TSNAXIP1: variants seen among roughly 807,000 people sequenced by gnomAD.
The protein encoded by TSNAXIP1 is translin-associated factor X-interacting protein 1.
In TSNAXIP1, 89 loss-of-function variants were observed where a neutral mutation model predicts 84.8. The observed-to-expected ratio is 1.05, with a 90% CI of 0.88 to 1.25. TSNAXIP1 has a LOEUF of 1.25. Among genes scored for constraint, TSNAXIP1 ranks in the 50% most tolerant of loss-of-function variants. The pLI is 0.00. For missense variants in TSNAXIP1, 874 were observed against 887.6 expected (o/e 0.98, Z 0.20); for synonymous variants, 347 against 335.2 (o/e 1.04, Z -0.39).
chr16:67,809,932 G>C (rs1429570438), intron 1 of TSNAXIP1, among the ~76,000 whole-genome samples: 1 of 152,120 alleles, frequency 6.6e-6, no homozygotes, highest in Non-Finnish European at 1.5e-5. Context: ...CCGGGCAAGA[G>C]AGTGAGACCC....
intron 2 of TSNAXIP1, 65 bp downstream of exon 2, chr16:67,814,466 T>C: frequency 7.4e-7 from 1 of 1,355,760 alleles, no homozygotes. Context: ...TCTCCCTTCC[T>C]GCAACCCAAG....
rs139160492 is a variant in TSNAXIP1, at chr16:67,815,222, G to A, written c.147+821G>A. ...CCAGCTACTCAGGAGGCTGAGGCACGAGAATTGCTTTAACCTGGGACGTGG... is the reference window on the plus strand; with the variant it reads ...CCAGCTACTCAGGAGGCTGAGGCACAAGAATTGCTTTAACCTGGGACGTGG... On this transcript the variant is annotated intron_variant, in intron 2 of 15. Transcript: ENST00000561639. Among the ~76,000 whole-genome samples, 214 of 146,690 alleles carry A rather than the reference G, an allele frequency of 1.5e-3. 1 individual carries two copies. Among genetic ancestry groups the A allele is most frequent in the African/African-American group, 5.2e-3 (207 of 39,644 alleles).
chr16:67,811,114 G>A (rs1364374782), intron 1 of TSNAXIP1, among the ~76,000 whole-genome samples: 5 of 151,926 alleles, frequency 3.3e-5, no homozygotes, highest in South Asian at 4.1e-4. Flanking sequence ...GTGAGCCACC[G>A]CGCCCGGCCG....
rs1567785805 is a variant in TSNAXIP1, at chr16:67,827,862, GA to G, written c.2009del (p.Glu670GlyfsTer28). 1 of 1,614,136 alleles carries G rather than the reference GA, an allele frequency of 6.2e-7. No individual in the cohort carries two copies. The highest frequency in any genetic ancestry group is 8.5e-7 in the Non-Finnish European group (1 of 1,180,022). On this transcript the variant is annotated frameshift_variant, in exon 16 of 16. Coordinates refer to ENST00000561639, the MANE Select transcript of TSNAXIP1 (RefSeq NM_001288990.3). LOFTEE classifies it low-confidence loss of function (END_TRUNC). The part of the protein sequence containing the change: ...TYMSQAFQLP[E>X]SEMPEEGDEK... The stretch of plus-strand genomic sequence containing the variant: ...CATGAGCCAGGCCTTCCAGCTCCCT[GA>G]GTCGGAAATGCCAGAGGAGGGTGAC...
intron 7 of TSNAXIP1, 107 bp downstream of exon 7, chr16:67,825,379 C>T: frequency 6.8e-7 from 1 of 1,465,156 alleles, no homozygotes; most frequent in Non-Finnish European, 9.3e-7. Flanking sequence ...CTGCTCATTC[C>T]ATAACCATTC....
At chr16:67,818,358 A>G (rs1598042350) in intron 2 of TSNAXIP1, among the ~76,000 whole-genome samples, 1 of 152,086 alleles carries the variant, frequency 6.6e-6, no homozygotes, top group African/African-American at 2.4e-5. Flanking sequence ...TACAAAAAAG[A>G]TTTTTTAAAT....
intron 5 of TSNAXIP1, among the ~76,000 whole-genome samples, chr16:67,824,059 C>T (rs1250188708): frequency 6.7e-6 from 1 of 148,738 alleles, no homozygotes; most frequent in African/African-American, 2.5e-5. Context: ...CCCTCCTTGT[C>T]CCAGCCTGGA....
intron 5 of TSNAXIP1, among the ~76,000 whole-genome samples, chr16:67,824,018 C>A (rs1457751707): frequency 1.2e-3 from 103 of 89,090 alleles, no homozygotes; most frequent in Admixed American, 1.8e-3. Context: ...GACTCCATCG[C>A]AAAAAAAAAA....
rs1567768510 is a variant in TSNAXIP1, at chr16:67,824,739, T to C, written c.638T>C (p.Ile213Thr). The C allele has an allele frequency of 3.1e-6, 5 of 1,613,974 alleles. No homozygotes were observed. Among genetic ancestry groups the C allele is most frequent in the African/African-American group, 2.7e-5 (2 of 74,898 alleles). Residue 213 changes from isoleucine to threonine, a missense_variant, in exon 6 of 16, where the codon ATC becomes ACC. Ile to Thr is a moderately conservative substitution (Grantham distance 89, BLOSUM62 -1). Coordinates refer to ENST00000561639, the MANE Select transcript of TSNAXIP1 (RefSeq NM_001288990.3). ...GAGAAGATGAACTTGCTAAAACTCA[T>C]CGACAAAAAGAATGAGGAGAAGATT... ...KKEKMNLLKL[I>T]DKKNEEKISL... is the part of the protein sequence containing the mutation.
intron 1 of TSNAXIP1, 185 bp downstream of exon 1, chr16:67,807,381 A>G: frequency 1.0e-5 from 16 of 1,529,846 alleles, no homozygotes; most frequent in Non-Finnish European, 1.4e-5. Context: ...CGTGCTAGCA[A>G]AACGGTAGGC....
chr16:67,813,343 C>T (rs1051592912), intron 1 of TSNAXIP1, among the ~76,000 whole-genome samples: 1 of 151,766 alleles, frequency 6.6e-6, no homozygotes, highest in African/African-American at 2.4e-5. Context: ...GCTGAGATGG[C>T]GCCACTGCAC....
intron 2 of TSNAXIP1, among the ~76,000 whole-genome samples, chr16:67,819,797 GC>G (rs1023832801): frequency 8.9e-5 from 13 of 145,276 alleles, no homozygotes; most frequent in Non-Finnish European, 3.0e-5. Context: ...ATAAGCACAT[GC>G]CACCACACCT....
chr16:67,827,252 T>C lies in TSNAXIP1; in HGVS notation c.1668T>C (p.Thr556=). The change falls in exon 14 of 16, where the codon ACT becomes ACC. Residue 556 remains threonine, a synonymous_variant. Transcript: ENST00000561639. Reference sequence around the variant, plus strand: ...GGCCCTCATGTCTCCCCTACAGCACTGTCCTCAAGAGTACCTTCCCTCTCA... The same window carrying C: ...GGCCCTCATGTCTCCCCTACAGCACCGTCCTCAAGAGTACCTTCCCTCTCA... ...EGLLTMEQFN[T]VLKSTFPLKT... The C allele has an allele frequency of 6.2e-7, 1 of 1,614,200 alleles. No homozygotes were observed. Among genetic ancestry groups the C allele is most frequent in the South Asian group, 1.1e-5 (1 of 91,084 alleles).
rs976178017 is a variant in TSNAXIP1 at position 67,827,742 on chromosome 16, C to A, written c.1899-11C>A. On this transcript the variant is annotated splice_polypyrimidine_tract_variant and intron_variant, in intron 15 of 15. Coordinates refer to ENST00000561639, the MANE Select transcript of TSNAXIP1 (RefSeq NM_001288990.3). ...GGGTCAGGGCCTGTCACTCTCTTTCCTGTGGGGCAGCCATGAGGAAGTGAC... is the reference window on the plus strand; with the variant it reads ...GGGTCAGGGCCTGTCACTCTCTTTCATGTGGGGCAGCCATGAGGAAGTGAC... 1 of 1,613,818 alleles carries A rather than the reference C, an allele frequency of 6.2e-7. No individual in the cohort carries two copies.
At position 67,825,673 on chromosome 16, in the gene TSNAXIP1, G is replaced by C; in HGVS notation, c.821G>C (p.Trp274Ser). Reference sequence around the variant, plus strand: ...GGGCCCCTTCCCCTGGCAGGCATCTGGGGGGAGGACCCTGTGAAGTTAACC... The same window carrying C: ...GGGCCCCTTCCCCTGGCAGGCATCTCGGGGGAGGACCCTGTGAAGTTAACC... ...DMSLAQSPGI[W>S]GEDPVKLTLA... Residue 274 changes from tryptophan to serine, a missense_variant, in exon 8 of 16, where the codon TGG becomes TCG. Trp to Ser is a radical substitution (Grantham distance 177). Transcript: ENST00000561639. 3 of 1,604,422 alleles carry C rather than the reference G, an allele frequency of 1.9e-6. No homozygotes were observed. The highest frequency in any genetic ancestry group is 1.7e-5 in the Admixed American group (1 of 59,790).
chr16:67,825,062 C>A, intron 6 of TSNAXIP1, 75 bp from the exon 7 acceptor site: 1 of 1,563,454 alleles, frequency 6.4e-7, no homozygotes, highest in Non-Finnish European at 8.7e-7. Flanking sequence ...CAGAACCCAG[C>A]CCACTCCCTG....
At position 67,824,621 on chromosome 16, in the gene TSNAXIP1, A is replaced by T; in HGVS notation, c.520A>T (p.Lys174Ter). Residue 174 changes from lysine to a stop codon, truncating the protein, a stop_gained, in exon 6 of 16, where the codon AAG becomes TAG. Coordinates refer to ENST00000561639, the MANE Select transcript of TSNAXIP1 (RefSeq NM_001288990.3). LOFTEE classifies it high-confidence loss of function. ...GAAGATTCGGGCTCTGGAGCCCCTG[A>T]AGGCCAAGCTTGTCACTGTGAATGA... ...REKIRALEPL[K>*]AKLVTVNEDC... is the part of the protein sequence containing the mutation. 1 of 1,614,150 alleles carries T rather than the reference A, an allele frequency of 6.2e-7. No individual in the cohort carries two copies. The highest frequency in any genetic ancestry group is 8.5e-7 in the Non-Finnish European group (1 of 1,180,002).
At chr16:67,819,178 C>G (rs2056830709) in intron 2 of TSNAXIP1, among the ~76,000 whole-genome samples, 1 of 151,356 alleles carries the variant, frequency 6.6e-6, no homozygotes, top group African/African-American at 2.4e-5. Flanking sequence ...AACTCCATCT[C>G]AAATAAATAA....
Position 67,825,814 on chromosome 16 carries a change from CCAA to C in TSNAXIP1, c.966_968del (p.Asn322del). 1.9e-6 allele frequency: 3 copies of C among 1,614,170 alleles called. No homozygotes were observed. The highest frequency in any genetic ancestry group is 2.5e-6 in the Non-Finnish European group (3 of 1,180,032). ...AGGGACTTTGAAATGCAGGAGAAGA[CCAA>C]CAAGGATCTTCAGGAGCAGGTGCTG... On this transcript the variant is annotated inframe_deletion, in exon 8 of 16. Coordinates refer to ENST00000561639, the MANE Select transcript of TSNAXIP1 (RefSeq NM_001288990.3).
Sources: gnomAD v4.1 joint callset for allele counts (sites outside exome capture counted in the v4.1 genomes callset) on GRCh38, gnomAD v4.1.1 for gene constraint, MANE v1.5 for transcripts, NCBI Gene and HGNC (gene_info 2026-07-23, HGNC 2026-07-21) for gene names.